The following PKIG variants were observed in gnomAD, a reference collection of about 807,000 sequenced individuals.
PKIG encodes cAMP-dependent protein kinase inhibitor gamma.
A neutral mutation model predicts 6.8 loss-of-function variants in PKIG; 1 was observed. The ratio of observed to expected loss-of-function variants is 0.15; its 90% CI spans 0.05 to 0.69. The LOEUF is 0.69. Ranked by LOEUF, PKIG falls within the 30% of genes least tolerant of loss-of-function variation. PKIG has a pLI of 0.82. For synonymous variants in PKIG, 39 were observed against 43.0 expected, an observed-to-expected ratio of 0.91 and a Z score of 0.36; for missense variants, 77 against 104.0, an observed-to-expected ratio of 0.74 and a Z score of 1.13.
At chr20:44,571,443 A>T (rs1455040729) in intron 1 of PKIG, among the ~76,000 whole-genome samples, 2 of 152,168 alleles carry the variant, frequency 1.3e-5, no homozygotes, top group Non-Finnish European at 1.5e-5. Flanking sequence ...AGTCCCTTTT[A>T]GGAATCTCTT....
intron 1 of PKIG, among the ~76,000 whole-genome samples, chr20:44,538,702 C>T (rs1568801122): frequency 6.6e-6 from 1 of 152,124 alleles, no homozygotes; most frequent in Non-Finnish European, 1.5e-5. Context: ...ATTATTACAC[C>T]TAAGGAAATA....
chr20:44,571,323 T>C (rs1262596998), intron 1 of PKIG, among the ~76,000 whole-genome samples: 1 of 152,100 alleles, frequency 6.6e-6, no homozygotes, highest in Non-Finnish European at 1.5e-5. Flanking sequence ...TTCTTTACCA[T>C]TACCAGAACT....
intron 1 of PKIG, among the ~76,000 whole-genome samples, chr20:44,577,354 G>A (rs577297348): frequency 6.8e-4 from 104 of 151,938 alleles, no homozygotes; most frequent in Non-Finnish European, 1.1e-3. Context: ...GGCTGGTCTC[G>A]AACTCCTGAC....
chr20:44,562,759 AT>A (rs894832342), intron 1 of PKIG, among the ~76,000 whole-genome samples: 1 of 152,194 alleles, frequency 6.6e-6, no homozygotes, highest in Non-Finnish European at 1.5e-5. Context: ...TAATATAACT[AT>A]TAATAAAAAT....
intron 2 of PKIG, among the ~76,000 whole-genome samples, chr20:44,594,591 T>C (rs1600883578): frequency 6.6e-6 from 1 of 152,220 alleles, no homozygotes; most frequent in Non-Finnish European, 1.5e-5. Flanking sequence ...CTCAGCGTCA[T>C]GCAGCTAGCA....
At chr20:44,535,703 A>AACACCCAT (rs1168472802) in intron 1 of PKIG, among the ~76,000 whole-genome samples, 2 of 152,238 alleles carry the variant, frequency 1.3e-5, no homozygotes, top group Non-Finnish European at 2.9e-5. Flanking sequence ...TTATGTGGTT[A>AACACCCAT]GGTGTAAAAA....
chr20:44,592,538 T>C (rs1374531398), intron 2 of PKIG, among the ~76,000 whole-genome samples: 3 of 152,208 alleles, frequency 2.0e-5, no homozygotes, highest in Non-Finnish European at 2.9e-5. Context: ...GCTTGGCAGC[T>C]AGGAGTGTGC....
chr20:44,598,833 C>T (rs2065096107), intron 2 of PKIG: 1 of 152,100 alleles, frequency 6.6e-6, no homozygotes, highest in South Asian at 2.1e-4. Context: ...AGTCCCTAGC[C>T]CTGGCCCTGT....
chr20:44,543,950 G>A lies in PKIG; in HGVS notation c.-241+11972G>A, dbSNP rs1600838547. ...GTGATGGTAGACGCCTGTAGTCCCA[G>A]CTACTCGGGAGGCTGAGGCAGGAGA... is the stretch of plus-strand genomic sequence containing the variant. On this transcript the variant is annotated intron_variant, in intron 1 of 4. Transcript: ENST00000372887. Among the ~76,000 whole-genome samples, 4 of 151,944 alleles carry A rather than the reference G, an allele frequency of 2.6e-5. No homozygotes were observed. In the East Asian group the frequency reaches 7.7e-4, roughly 29 times the overall value.
At chr20:44,613,767 G>T (rs1391773102) in intron 2 of PKIG, among the ~76,000 whole-genome samples, 1 of 152,088 alleles carries the variant, frequency 6.6e-6, no homozygotes, top group Non-Finnish European at 1.5e-5. Context: ...GCACTGCTGT[G>T]CCCGGCCGCC....
chr20:44,614,788 T>C lies in PKIG; in HGVS notation c.151+81T>C. On this transcript the variant is annotated intron_variant, in intron 3 of 3. Transcript: ENST00000372886. This position sits in a 1 kb window ranked among gnomAD's most constrained non-coding sequence, Gnocchi z 4.6. ...CCGGGCTAGCCTCCAAGTCCTAGACTGCCCATACTTTCTTAGAGAAGAAAC... is the reference window on the plus strand; with the variant it reads ...CCGGGCTAGCCTCCAAGTCCTAGACCGCCCATACTTTCTTAGAGAAGAAAC... 1 of 1,420,082 alleles carries C rather than the reference T, an allele frequency of 7.0e-7. No homozygotes were observed. 88.0% of individuals were successfully genotyped at this position (1,420,082 alleles called of 1,614,324 possible). A position where few individuals can be genotyped will look rare whatever the true frequency, so the allele number is the denominator to read the frequency against.
At chr20:44,589,898 C>T (rs183156284) in intron 2 of PKIG, 32 bp downstream of exon 2, 27 of 152,426 alleles carry the variant, frequency 1.8e-4, no homozygotes, top group African/African-American at 6.3e-4. Flanking sequence ...ACTCTACTGC[C>T]AGAGCAGCAC....
intron 1 of PKIG, among the ~76,000 whole-genome samples, chr20:44,562,530 A>AG (rs1394122989): frequency 3.1e-5 from 4 of 130,978 alleles, no homozygotes; most frequent in Non-Finnish European, 6.2e-5. Context: ...TGAGTCTTGG[A>AG]GGGGGAGGCT....
Position 44,553,217 on chromosome 20 carries a change from A to G in PKIG, c.-241+21239A>G, listed in dbSNP as rs1237310157. ...TTTCCAAAGTTGAAAGCTTGAAGGT[A>G]TCAGGTCATTAATTCCATCCCAGGA... On this transcript the variant is annotated intron_variant, in intron 1 of 4. Transcript: ENST00000372887. Among the ~76,000 whole-genome samples the G allele has an allele frequency of 2.0e-5, 3 of 152,200 alleles. No individual in the cohort carries two copies. In the East Asian group the frequency reaches 5.8e-4, roughly 29 times the overall value.
At chr20:44,618,208 TG>T in intron 3 of PKIG, 76 bp from the exon 4 acceptor site, 1 of 922,696 alleles carries the variant, frequency 1.1e-6, no homozygotes, top group Non-Finnish European at 1.8e-6. Flanking sequence ...TCAGTTTGGC[TG>T]GGCCCTTTCA....
At chr20:44,543,497 C>T (rs2064581360) in intron 1 of PKIG, among the ~76,000 whole-genome samples, 1 of 152,154 alleles carries the variant, frequency 6.6e-6, no homozygotes, top group African/African-American at 2.4e-5. Flanking sequence ...TTGGCCTTCT[C>T]AAAATATTTG....
intron 1 of PKIG, among the ~76,000 whole-genome samples, chr20:44,564,527 T>C (rs867132068): frequency 2.0e-5 from 3 of 152,176 alleles, no homozygotes; most frequent in Non-Finnish European, 4.4e-5. Context: ...ATAAGCTCTC[T>C]CTAAATTGTG....
chr20:44,569,779 C>T (rs1340285018), intron 1 of PKIG, among the ~76,000 whole-genome samples: 3 of 152,132 alleles, frequency 2.0e-5, no homozygotes, highest in Middle Eastern at 3.4e-3. Context: ...GCACACTCCC[C>T]GTGTAATCCT....
At chr20:44,598,239 G>A (rs533957318) in intron 2 of PKIG, among the ~76,000 whole-genome samples, 3 of 152,210 alleles carry the variant, frequency 2.0e-5, no homozygotes, top group African/African-American at 7.2e-5. Flanking sequence ...TCTAGAGGCA[G>A]GTTTCCCCAG....
Sources: allele counts gnomAD v4.1 joint callset (sites outside exome capture counted in the v4.1 genomes callset), GRCh38; gene constraint gnomAD v4.1.1; non-coding constraint Gnocchi (gnomAD v3.1); transcripts MANE v1.5; gene names NCBI Gene and HGNC (gene_info 2026-07-23, HGNC 2026-07-21).